Variants in PCDH7 observed in about 807,000 individuals in gnomAD.
PCDH7 encodes protocadherin-7.
PCDH7 carries 17 observed loss-of-function variants against 58.9 expected under a neutral mutation model. That is an observed-to-expected ratio of 0.29 (90% CI 0.20 to 0.43). PCDH7 has a LOEUF of 0.43. PCDH7 is among the 20% of genes least tolerant of loss of function. The pLI, the probability that PCDH7 is intolerant of heterozygous loss-of-function variation, is 1.00. For synonymous variants in PCDH7, 664 were observed against 616.4 expected, an observed-to-expected ratio of 1.08 and a Z score of -1.14; for missense variants, 1,274 against 1,441.0, an observed-to-expected ratio of 0.88 and a Z score of 1.88.
intron 3 of PCDH7, among the ~76,000 whole-genome samples, chr4:31,096,232 T>G (rs1713962581): frequency 6.6e-6 from 1 of 152,210 alleles, no homozygotes; most frequent in African/African-American, 2.4e-5. Flanking sequence ...GAACTGTTTC[T>G]GGTCTTTAGA....
intron 1 of PCDH7, among the ~76,000 whole-genome samples, chr4:30,894,449 C>T (rs1739024862): frequency 9.6e-6 from 1 of 104,256 alleles, no homozygotes; most frequent in Admixed American, 1.4e-4. Context: ...GGTCTGGAGA[C>T]CAGTTTCATT....
intron 3 of PCDH7, among the ~76,000 whole-genome samples, chr4:31,045,490 G>A (rs553208712): frequency 3.9e-5 from 6 of 152,130 alleles, no homozygotes; most frequent in South Asian, 2.1e-4. Flanking sequence ...TGGGCATTCC[G>A]TTCCTGCTGT....
At chr4:30,816,083 A>G (rs994430958) in intron 1 of PCDH7, among the ~76,000 whole-genome samples, 1 of 152,226 alleles carries the variant, frequency 6.6e-6, no homozygotes, top group African/African-American at 2.4e-5. Flanking sequence ...ATTAATTTCC[A>G]TTATTTTATA....
At chr4:30,830,665 T>C (rs997756116) in intron 1 of PCDH7, among the ~76,000 whole-genome samples, 5 of 152,068 alleles carry the variant, frequency 3.3e-5, no homozygotes, top group African/African-American at 1.2e-4. Flanking sequence ...GGCCTAGATC[T>C]TGGGATTTGG....
At chr4:31,130,773 C>G (rs1344002992) in intron 3 of PCDH7, among the ~76,000 whole-genome samples, 2 of 152,150 alleles carry the variant, frequency 1.3e-5, no homozygotes, top group Non-Finnish European at 2.9e-5. Context: ...CAAGTGCAGT[C>G]TTTCTCACAT....
At chr4:30,878,096 A>G (rs1265134634) in intron 1 of PCDH7, among the ~76,000 whole-genome samples, 1 of 152,148 alleles carries the variant, frequency 6.6e-6, no homozygotes, top group Non-Finnish European at 1.5e-5. Flanking sequence ...CTTAGACCCA[A>G]CATAACACTG....
At chr4:30,814,075 T>A (rs953239161) in intron 1 of PCDH7, among the ~76,000 whole-genome samples, 23 of 152,166 alleles carry the variant, frequency 1.5e-4, no homozygotes, top group Admixed American at 7.9e-4. Context: ...AAATGCATTA[T>A]AATATCATAA....
chr4:30,819,495 CATT>C (rs922652490), intron 1 of PCDH7, among the ~76,000 whole-genome samples: 15 of 152,062 alleles, frequency 9.9e-5, no homozygotes, highest in Non-Finnish European at 1.9e-4. Context: ...AAGAGTTTAA[CATT>C]GTTGGGGGAA....
intron 3 of PCDH7, among the ~76,000 whole-genome samples, chr4:31,010,066 C>T (rs889640656): frequency 1.3e-5 from 2 of 151,878 alleles, no homozygotes; most frequent in African/African-American, 4.8e-5. Context: ...TCAAAAATGC[C>T]TTGTGGGTAT....
chr4:30,845,890 G>A (rs1273932207), intron 1 of PCDH7, among the ~76,000 whole-genome samples: 5 of 152,196 alleles, frequency 3.3e-5, no homozygotes, highest in African/African-American at 1.2e-4. Context: ...ACCACACTTG[G>A]CCTCTCTATT....
intron 1 of PCDH7, among the ~76,000 whole-genome samples, chr4:30,906,410 C>T (rs1400988128): frequency 2.6e-5 from 4 of 152,064 alleles, no homozygotes; most frequent in African/African-American, 7.2e-5. Context: ...TCCAAGTCCC[C>T]CAAACCCCTA....
At chr4:31,124,155 G>A (rs1237255674) in intron 3 of PCDH7, among the ~76,000 whole-genome samples, 1 of 152,152 alleles carries the variant, frequency 6.6e-6, no homozygotes, top group Admixed American at 6.6e-5. Flanking sequence ...AGCCTCGAGG[G>A]TGGAGCCCTC....
intron 3 of PCDH7, among the ~76,000 whole-genome samples, chr4:30,976,545 C>A (rs1018917280): frequency 6.6e-6 from 1 of 151,150 alleles, no homozygotes; most frequent in Non-Finnish European, 1.5e-5. Context: ...GGATTACAGG[C>A]GCCTGCCACC....
chr4:30,946,622 A>G (rs1746712464), intron 2 of PCDH7, among the ~76,000 whole-genome samples: 1 of 151,638 alleles, frequency 6.6e-6, no homozygotes, highest in African/African-American at 2.4e-5. Flanking sequence ...TCTTGTGAAT[A>G]ACATTTACTC....
chr4:30,955,176 AG>A (rs1462561203), intron 3 of PCDH7, among the ~76,000 whole-genome samples: 1 of 152,068 alleles, frequency 6.6e-6, no homozygotes, highest in African/African-American at 2.4e-5. Context: ...GTGTGAATCC[AG>A]GAAATTGTTT....
At chr4:30,868,707 G>A (rs1735181237) in intron 1 of PCDH7, among the ~76,000 whole-genome samples, 2 of 152,026 alleles carry the variant, frequency 1.3e-5, no homozygotes, top group Non-Finnish European at 2.9e-5. Flanking sequence ...GAATAGGCCT[G>A]TTGTTTTAGA....
At chr4:30,880,651 C>G (rs1299567833) in intron 1 of PCDH7, among the ~76,000 whole-genome samples, 1 of 152,146 alleles carries the variant, frequency 6.6e-6, no homozygotes, top group Non-Finnish European at 1.5e-5. Context: ...TTCTCTCTTA[C>G]TGTCCTATTT....
chr4:31,016,956 T>C (rs1035543661), intron 3 of PCDH7, among the ~76,000 whole-genome samples: 3 of 151,140 alleles, frequency 2.0e-5, no homozygotes, highest in Admixed American at 6.6e-5. Context: ...GGTGTGTGTA[T>C]GTGTTTGTGT....
intron 3 of PCDH7, among the ~76,000 whole-genome samples, chr4:31,095,821 T>A (rs55702485): frequency 0.023 from 3,506 of 152,338 alleles, 52 homozygotes; most frequent in Middle Eastern, 0.041. Context: ...ATAGTGTTTC[T>A]TCTCATAATT....
Sources: allele counts gnomAD v4.1 joint callset (sites outside exome capture counted in the v4.1 genomes callset), GRCh38; gene constraint gnomAD v4.1.1; transcripts MANE v1.5; gene names NCBI Gene and HGNC (gene_info 2026-07-23, HGNC 2026-07-21).